LRP1B: variants seen among roughly 807,000 people sequenced by gnomAD.
The protein encoded by LRP1B is LDL receptor related protein 1B, also known as low-density lipoprotein receptor-related protein 1B.
In LRP1B, 217 loss-of-function variants were observed where a neutral mutation model predicts 556.6. The ratio of observed to expected loss-of-function variants is 0.39; its 90% CI spans 0.35 to 0.44. The LOEUF (loss-of-function observed/expected upper bound fraction) is 0.44, where lower values mean the gene tolerates loss of function less well. Among genes scored for constraint, LRP1B ranks in the 20% least tolerant of loss-of-function variants. The pLI is 1.00. For synonymous variants in LRP1B, 2,047 were observed against 1,865.8 expected (o/e 1.10, Z -2.50); for missense variants, 5,053 against 5,620.8 (o/e 0.90, Z 3.23).
At chr2:141,390,794 A>G (rs1260629732) in intron 3 of LRP1B, among the ~76,000 whole-genome samples, 2 of 152,234 alleles carry the variant, frequency 1.3e-5, no homozygotes, top group African/African-American at 4.8e-5. Context: ...AGAATGAAGA[A>G]CAAGTGCGCA....
rs1680513467 is a variant in LRP1B, at chr2:140,232,437, A to T, written c.*749T>A. ...GGGAGAATAAAAGGTCTTATTCCAT[A>T]GCAAGTGCAGTCGGCCAACTTTCGG... is the stretch of plus-strand genomic sequence containing the variant. On this transcript the variant is annotated 3_prime_UTR_variant, in exon 91 of 91. Transcript: ENST00000389484. The T allele has an allele frequency of 6.6e-6, 1 of 151,686 alleles. No homozygotes were observed. Among genetic ancestry groups the T allele is most frequent in the African/African-American group, 2.4e-5 (1 of 41,310 alleles). 9.4% of individuals were successfully genotyped at this position (151,686 alleles called of 1,614,324 possible). A position where few individuals can be genotyped will look rare whatever the true frequency, so the allele number is the denominator to read the frequency against.
intron 3 of LRP1B, among the ~76,000 whole-genome samples, chr2:141,259,490 C>G (rs1684607017): frequency 6.6e-6 from 1 of 152,196 alleles, no homozygotes; most frequent in Non-Finnish European, 1.5e-5. Flanking sequence ...ACTCCTTGAC[C>G]TGATGCTTAC....
chr2:141,886,953 TTTTTC>T (rs1198613277), intron 1 of LRP1B, among the ~76,000 whole-genome samples: 1 of 94,270 alleles, frequency 1.1e-5, no homozygotes, highest in Non-Finnish European at 2.0e-5. Context: ...GGATGGTTGA[TTTTTC>T]TTTTTCTTTT....
intron 3 of LRP1B, among the ~76,000 whole-genome samples, chr2:141,447,568 A>T (rs1028277830): frequency 6.6e-6 from 1 of 151,910 alleles, no homozygotes; most frequent in African/African-American, 2.4e-5. Flanking sequence ...TTGGTCTTTG[A>T]TGTTGGTGAC....
intron 1 of LRP1B, among the ~76,000 whole-genome samples, chr2:142,036,629 T>C (rs866898991): frequency 6.6e-6 from 1 of 151,690 alleles, no homozygotes; most frequent in Middle Eastern, 3.2e-3. Context: ...TAAAACCTGT[T>C]CCATATTTTA....
At chr2:142,053,145 G>A (rs1488556662) in intron 1 of LRP1B, among the ~76,000 whole-genome samples, 1 of 152,122 alleles carries the variant, frequency 6.6e-6, no homozygotes, top group Non-Finnish European at 1.5e-5. Flanking sequence ...TGCAATCTCT[G>A]AAAGCAGAGA....
At chr2:140,554,217 G>A (rs1680647681) in intron 43 of LRP1B, among the ~76,000 whole-genome samples, 1 of 152,026 alleles carries the variant, frequency 6.6e-6, no homozygotes, top group Admixed American at 6.6e-5. Flanking sequence ...ATTGCCTGAG[G>A]TCACCCAGAG....
intron 2 of LRP1B, among the ~76,000 whole-genome samples, chr2:141,685,487 C>A (rs1238716460): frequency 6.6e-6 from 1 of 151,952 alleles, no homozygotes; most frequent in Non-Finnish European, 1.5e-5. Context: ...GTAATGCCCA[C>A]CCTCAAATAA....
chr2:141,315,253 T>G (rs866234386), intron 3 of LRP1B, among the ~76,000 whole-genome samples: 499 of 4,236 alleles, frequency 0.12, 3 homozygotes, highest in African/African-American at 0.14. Flanking sequence ...ATGATTGTAA[T>G]TTTTTTTTTT....
At chr2:140,265,766 G>A (rs956322652) in intron 86 of LRP1B, among the ~76,000 whole-genome samples, 73 of 152,058 alleles carry the variant, frequency 4.8e-4, no homozygotes, top group African/African-American at 1.6e-3. Context: ...ATTGAGATCC[G>A]TGACTAAAAA....
intron 11 of LRP1B, among the ~76,000 whole-genome samples, chr2:141,045,628 T>A (rs2105439903): frequency 6.6e-6 from 1 of 152,190 alleles, no homozygotes; most frequent in Non-Finnish European, 1.5e-5. Context: ...TATCATTATC[T>A]TATTCATTTA....
intron 31 of LRP1B, among the ~76,000 whole-genome samples, chr2:140,831,801 T>A (rs562328738): frequency 6.6e-6 from 1 of 152,158 alleles, no homozygotes; most frequent in African/African-American, 2.4e-5. Flanking sequence ...CCAAAATATA[T>A]AAGGAACTCA....
At chr2:140,564,819 A>C (rs1016750708) in intron 43 of LRP1B, among the ~76,000 whole-genome samples, 5 of 152,138 alleles carry the variant, frequency 3.3e-5, no homozygotes, top group Non-Finnish European at 7.4e-5. Context: ...TCTTTGTTAT[A>C]AAAGTATTTC....
At chr2:141,549,989 T>C (rs1226102381) in intron 2 of LRP1B, among the ~76,000 whole-genome samples, 1 of 152,200 alleles carries the variant, frequency 6.6e-6, no homozygotes, top group Non-Finnish European at 1.5e-5. Flanking sequence ...AGCAAGACCC[T>C]GTCTCGGAAA....
At chr2:141,765,054 G>C (rs998516958) in intron 2 of LRP1B, among the ~76,000 whole-genome samples, 2 of 151,886 alleles carry the variant, frequency 1.3e-5, no homozygotes, top group African/African-American at 2.4e-5. Context: ...TAAGACATGA[G>C]TCCTGCCTGA....
In LRP1B at chr2:140,274,602, G is replaced by C. The variant is rs755475776; in HGVS notation, c.12968-4C>G. On this transcript the variant is annotated splice_polypyrimidine_tract_variant and splice_region_variant and intron_variant, in intron 84 of 90. Coordinates refer to ENST00000389484, the MANE Select transcript of LRP1B (RefSeq NM_018557.3). ...ACACAATAGTGGTGGCACACGTCTA[G>C]GAAAAAAAGGCACAACAGAAAAATA... 6.2e-7 allele frequency: 1 copy of C among 1,600,962 alleles called. No individual in the cohort carries two copies. Among genetic ancestry groups the C allele is most frequent in the Admixed American group, 1.7e-5 (1 of 57,436 alleles).
chr2:141,650,566 G>T (rs1450780455), intron 2 of LRP1B, among the ~76,000 whole-genome samples: 1 of 152,200 alleles, frequency 6.6e-6, no homozygotes, highest in Non-Finnish European at 1.5e-5. Context: ...TAGGGAAGAG[G>T]CAAGGGTGAA....
intron 14 of LRP1B, among the ~76,000 whole-genome samples, chr2:141,012,855 T>C (rs1230446810): frequency 6.6e-6 from 1 of 151,892 alleles, no homozygotes; most frequent in Admixed American, 6.6e-5. Context: ...ATTTTTACAA[T>C]GATATGTCTA....
At chr2:141,512,349 C>T (rs538309480) in intron 2 of LRP1B, among the ~76,000 whole-genome samples, 1 of 152,262 alleles carries the variant, frequency 6.6e-6, no homozygotes, top group Non-Finnish European at 1.5e-5. Flanking sequence ...ATTTTCTTCT[C>T]CCTTTTGCAG....
Sources: allele counts gnomAD v4.1 joint callset (sites outside exome capture counted in the v4.1 genomes callset), GRCh38; gene constraint gnomAD v4.1.1; transcripts MANE v1.5; gene names NCBI Gene and HGNC (gene_info 2026-07-23, HGNC 2026-07-21).